The following TTC3 variants were observed in gnomAD, a reference collection of about 807,000 sequenced individuals.
TTC3 encodes E3 ubiquitin-protein ligase TTC3.
A neutral mutation model predicts 249.6 loss-of-function variants in TTC3; 180 were observed. The ratio of observed to expected loss-of-function variants is 0.72; its 90% CI spans 0.64 to 0.82. The LOEUF is 0.82. Ranked by LOEUF, TTC3 falls within the 40% of genes least tolerant of loss-of-function variation. The pLI is 0.00. For missense variants in TTC3, 2,061 were observed against 2,398.4 expected (o/e 0.86, Z 2.94); for synonymous variants, 717 against 805.0 (o/e 0.89, Z 1.85).
At chr21:37,172,638 A>G (rs1233805114) in exon 35 of TTC3, 1 of 1,613,980 alleles carries the variant, frequency 6.2e-7, no homozygotes, top group East Asian at 2.2e-5. Context: ...GTATTACAAG[A>G]CCAACTTCAA....
chr21:37,132,638 C>T, intron 16 of TTC3, 44 bp from the exon 17 acceptor site: 3 of 1,512,020 alleles, frequency 2.0e-6, no homozygotes, highest in South Asian at 2.5e-5. Context: ...ATGAGTAGAA[C>T]TTTTATTTTA....
chr21:37,110,561 A>G (rs1226352442), intron 11 of TTC3, among the ~76,000 whole-genome samples: 2 of 152,258 alleles, frequency 1.3e-5, no homozygotes, highest in East Asian at 1.9e-4. Flanking sequence ...ACTGTGTGAA[A>G]AGACCAAATC....
intron 21 of TTC3, among the ~76,000 whole-genome samples, chr21:37,147,272 G>A (rs2079060248): frequency 6.6e-6 from 1 of 152,148 alleles, no homozygotes; most frequent in Non-Finnish European, 1.5e-5. Flanking sequence ...ATTTTGTCCA[G>A]TCCTCTTTTT....
intron 10 of TTC3, among the ~76,000 whole-genome samples, chr21:37,103,004 A>G (rs1399315482): frequency 6.6e-6 from 1 of 152,218 alleles, no homozygotes; most frequent in East Asian, 1.9e-4. Context: ...CTAAAAAAAT[A>G]AAAGGATTCC....
chr21:37,125,943 C>A, intron 14 of TTC3, 137 bp from the exon 15 acceptor site: 1 of 673,180 alleles, frequency 1.5e-6, no homozygotes, highest in Non-Finnish European at 2.4e-6. Flanking sequence ...TACATTTAGG[C>A]TTAATAACCA....
chr21:37,146,026 G>T (rs1356190962), intron 21 of TTC3, among the ~76,000 whole-genome samples: 2 of 152,168 alleles, frequency 1.3e-5, no homozygotes, highest in African/African-American at 4.8e-5. Context: ...TCCTAGGTGT[G>T]TACAGAGAAA....
At chr21:37,186,345 C>T (rs1184525477) in intron 37 of TTC3, among the ~76,000 whole-genome samples, 1 of 152,178 alleles carries the variant, frequency 6.6e-6, no homozygotes, top group East Asian at 1.9e-4. Context: ...GTACAGATTT[C>T]TTTTTCCCTT....
chr21:37,151,190 TAC>T (rs1251692172), intron 25 of TTC3, among the ~76,000 whole-genome samples: 1 of 152,130 alleles, frequency 6.6e-6, no homozygotes, highest in Admixed American at 6.5e-5. Flanking sequence ...ATAAAAACTA[TAC>T]AGTTTGCTCT....
intron 33 of TTC3, 69 bp from the exon 34 acceptor site, chr21:37,167,486 C>T (rs1317014224): frequency 8.2e-7 from 1 of 1,218,182 alleles, no homozygotes; most frequent in South Asian, 1.3e-5. Context: ...TAAAGTGTTA[C>T]TACTTGATGG....
chr21:37,155,989 A>T (rs1419060307), intron 27 of TTC3, among the ~76,000 whole-genome samples: 1 of 151,872 alleles, frequency 6.6e-6, no homozygotes, highest in Non-Finnish European at 1.5e-5. Context: ...TTGCTAGTTT[A>T]TACTAATTGG....
chr21:37,127,880 GTCCTACC>G lies in TTC3; in HGVS notation c.1298-1121_1298-1115del, dbSNP rs2077161486. Reference sequence around the variant, plus strand: ...ATAGGGAGGGGAAACTCAGGCAGTTGTCCTACCTGATGCAGTTCCAACAGCATATAAA... The same window carrying G: ...ATAGGGAGGGGAAACTCAGGCAGTTGTGATGCAGTTCCAACAGCATATAAA... On this transcript the variant is annotated intron_variant, in intron 15 of 45. Coordinates refer to ENST00000355666, the Ensembl canonical transcript of TTC3. Among the ~76,000 whole-genome samples the G allele has an allele frequency of 2.0e-5, 3 of 152,196 alleles. No individual in the cohort carries two copies. In the South Asian group the frequency reaches 6.2e-4, roughly 32 times the overall value.
intron 27 of TTC3, among the ~76,000 whole-genome samples, chr21:37,156,410 T>C (rs2080092220): frequency 6.6e-6 from 1 of 152,316 alleles, no homozygotes; most frequent in East Asian, 1.9e-4. Flanking sequence ...ACTATGATAG[T>C]AGAAGGCTTT....
At chr21:37,079,158 A>G (rs1429218478) in intron 1 of TTC3, among the ~76,000 whole-genome samples, 2 of 152,170 alleles carry the variant, frequency 1.3e-5, no homozygotes. Context: ...GAACTACTAG[A>G]TTGAGTTTGC....
rs201816988 is a variant in TTC3 at position 37,165,622 on chromosome 21, G to C, written c.3408G>C (p.Glu1136Asp). The C allele has an allele frequency of 1.1e-4, 180 of 1,613,972 alleles. No individual in the cohort carries two copies. Among genetic ancestry groups the C allele is most frequent in the Non-Finnish European group, 1.4e-4 (163 of 1,180,034 alleles). ...ACAAGATGTTCTCTGCAGAATATGA[G>C]TTTTTCCCAGAAGAAACTCGACAGA... is the stretch of plus-strand genomic sequence containing the variant. The change falls in exon 33 of 46, where the codon GAG (glutamate) becomes GAC (aspartate). Residue 1136 changes from glutamate to aspartate, a missense_variant. Around this residue, in one of 3 missense-constraint regions of TTC3, gnomAD observed 1,040 missense variants for 1,186.1 expected, o/e 0.88. Transcript: ENST00000355666.
exon 1 of TTC3, chr21:37,073,357 G>T: frequency 1.1e-6 from 1 of 938,946 alleles, no homozygotes; most frequent in Non-Finnish European, 1.3e-6. Context: ...CGCGGGCGGC[G>T]GGCCCGGGTG....
At chr21:37,102,183 C>T (rs967777483) in intron 10 of TTC3, among the ~76,000 whole-genome samples, 2 of 151,938 alleles carry the variant, frequency 1.3e-5, no homozygotes, top group Non-Finnish European at 1.5e-5. Flanking sequence ...TTATTCAGTC[C>T]GTGGTTATTA....
chr21:37,088,548 C>T (rs1017510814), intron 4 of TTC3, among the ~76,000 whole-genome samples: 2 of 152,058 alleles, frequency 1.3e-5, no homozygotes, highest in African/African-American at 4.8e-5. Flanking sequence ...CTGAATAGTA[C>T]TAGATGGTAG....
intron 10 of TTC3, chr21:37,098,976 G>A (rs1357939929): frequency 6.6e-6 from 1 of 152,190 alleles, no homozygotes; most frequent in Non-Finnish European, 1.5e-5. Flanking sequence ...CCCTCCCCCA[G>A]TTTGGCGAGG....
chr21:37,091,513 TAA>T, intron 7 of TTC3, 100 bp downstream of exon 7: 2 of 1,029,822 alleles, frequency 1.9e-6, no homozygotes, highest in Non-Finnish European at 2.6e-6. Flanking sequence ...TCTTAGAATT[TAA>T]AAAAAGTTTT....
Sources: gnomAD v4.1 joint callset for allele counts (sites outside exome capture counted in the v4.1 genomes callset) on GRCh38, gnomAD v4.1.1 for gene constraint, gnomAD v4.1.1 regional missense constraint, MANE v1.5 for transcripts, NCBI Gene and HGNC (gene_info 2026-07-23, HGNC 2026-07-21) for gene names.